The following PDE11A variants were observed in gnomAD, a reference collection of about 807,000 sequenced individuals.
PDE11A encodes the protein phosphodiesterase 11A.
Under a neutral mutation model 100.5 loss-of-function variants are expected in PDE11A, and 100 were observed. That is an observed-to-expected ratio of 1.00 (90% confidence interval 0.85 to 1.18). The LOEUF (loss-of-function observed/expected upper bound fraction) is 1.18, where lower values mean the gene tolerates loss of function less well. PDE11A is among the 50% of genes most tolerant of loss of function. The pLI is 0.00. For synonymous variants in PDE11A, 381 were observed against 420.8 expected, an observed-to-expected ratio of 0.91 and a Z score of 1.16; for missense variants, 1,141 against 1,152.6, an observed-to-expected ratio of 0.99 and a Z score of 0.15.
At chr2:177,907,404 T>A (rs779158024) in intron 2 of PDE11A, among the ~76,000 whole-genome samples, 6 of 152,248 alleles carry the variant, frequency 3.9e-5, no homozygotes, top group Non-Finnish European at 5.9e-5. Context: ...TTTATAATAG[T>A]AATTGCCATT....
At chr2:177,817,500 G>T (rs188866038) in intron 8 of PDE11A, among the ~76,000 whole-genome samples, 1 of 152,304 alleles carries the variant, frequency 6.6e-6, no homozygotes, top group East Asian at 1.9e-4. Context: ...GCACGGAAGC[G>T]TGTAAACAAG....
intron 1 of PDE11A, among the ~76,000 whole-genome samples, chr2:178,068,007 T>G (rs1314809116): frequency 1.3e-5 from 2 of 152,194 alleles, no homozygotes; most frequent in African/African-American, 4.8e-5. Flanking sequence ...TTATCAACAC[T>G]GACAAAAATT....
At chr2:177,665,966 A>T (rs191719267) in intron 18 of PDE11A, among the ~76,000 whole-genome samples, 12 of 152,208 alleles carry the variant, frequency 7.9e-5, no homozygotes, top group East Asian at 3.9e-4. Flanking sequence ...TTACTTTTTT[A>T]AAAAATGCAG....
chr2:177,795,820 C>G (rs2082697339), intron 9 of PDE11A, among the ~76,000 whole-genome samples: 1 of 151,140 alleles, frequency 6.6e-6, no homozygotes, highest in Non-Finnish European at 1.5e-5. Flanking sequence ...TCCCACCTCC[C>G]TAAGACTCTG....
At chr2:177,820,089 G>A (rs111240819) in intron 7 of PDE11A, 131 bp downstream of exon 7, 27 of 627,700 alleles carry the variant, frequency 4.3e-5, no homozygotes, top group Middle Eastern at 3.9e-4. Context: ...GAAATTATAC[G>A]AGAGTGTGAG....
intron 2 of PDE11A, among the ~76,000 whole-genome samples, chr2:178,101,341 G>A (rs1038989443): frequency 1.3e-5 from 2 of 152,236 alleles, no homozygotes; most frequent in African/African-American, 4.8e-5. Flanking sequence ...CAAATGAAAA[G>A]CTTCTGAGTC....
intron 10 of PDE11A, among the ~76,000 whole-genome samples, chr2:177,756,048 C>T (rs535206850): frequency 6.6e-6 from 1 of 152,322 alleles, no homozygotes; most frequent in South Asian, 2.1e-4. Context: ...CTTTTACATA[C>T]TATATAGAGG....
At chr2:178,085,070 A>C (rs184956497) in intron 2 of PDE11A, among the ~76,000 whole-genome samples, 1 of 152,328 alleles carries the variant, frequency 6.6e-6, no homozygotes, top group East Asian at 1.9e-4. Context: ...GAGCAAAACC[A>C]CATCCAACCA....
chr2:177,983,990 T>C (rs767597994), intron 2 of PDE11A, among the ~76,000 whole-genome samples: 1 of 152,176 alleles, frequency 6.6e-6, no homozygotes, highest in Non-Finnish European at 1.5e-5. Flanking sequence ...TAAAACAAAT[T>C]AGCAATATAC....
At chr2:177,890,465 C>A (rs2084512413) in intron 4 of PDE11A, among the ~76,000 whole-genome samples, 1 of 152,208 alleles carries the variant, frequency 6.6e-6, no homozygotes, top group Non-Finnish European at 1.5e-5. Flanking sequence ...GGGAAGTAAC[C>A]TCACTCAGCC....
chr2:177,966,824 T>G (rs1312058615), intron 2 of PDE11A, among the ~76,000 whole-genome samples: 1 of 152,172 alleles, frequency 6.6e-6, no homozygotes, highest in African/African-American at 2.4e-5. Context: ...TCTTTTTTTC[T>G]TGTGTCTCTG....
chr2:177,964,594 A>G (rs1313634281), intron 2 of PDE11A, among the ~76,000 whole-genome samples: 4 of 152,054 alleles, frequency 2.6e-5, no homozygotes, highest in Admixed American at 6.5e-5. Flanking sequence ...TTGTGTCCAT[A>G]TGTTCTCAAT....
At chr2:177,630,598 C>T (rs1270799156) in intron 19 of PDE11A, among the ~76,000 whole-genome samples, 1 of 152,204 alleles carries the variant, frequency 6.6e-6, no homozygotes, top group Non-Finnish European at 1.5e-5. Flanking sequence ...ATGGAATTTA[C>T]TCTGCCCAAC....
chr2:178,091,036 A>G (rs2087416300), intron 2 of PDE11A, among the ~76,000 whole-genome samples: 1 of 152,186 alleles, frequency 6.6e-6, no homozygotes, highest in Admixed American at 6.5e-5. Flanking sequence ...CTGTTAGGAC[A>G]TCTTCATAGA....
chr2:177,674,613 A>T (rs1380642958), intron 17 of PDE11A, among the ~76,000 whole-genome samples: 1 of 152,142 alleles, frequency 6.6e-6, no homozygotes, highest in African/African-American at 2.4e-5. Flanking sequence ...ATTTGCAAAG[A>T]TACTCTTTCC....
intron 9 of PDE11A, among the ~76,000 whole-genome samples, chr2:177,780,288 G>A (rs1342802373): frequency 3.9e-5 from 6 of 152,094 alleles, no homozygotes; most frequent in African/African-American, 1.4e-4. Context: ...ATCTCACTCT[G>A]TCACCCAAAC....
chr2:177,936,381 C>CA (rs926687446), intron 2 of PDE11A, among the ~76,000 whole-genome samples: 2 of 150,966 alleles, frequency 1.3e-5, no homozygotes. Context: ...CATTCAGGTT[C>CA]AAAAAAAAAG....
At chr2:177,718,842 A>G (rs1277968962) in intron 12 of PDE11A, among the ~76,000 whole-genome samples, 1 of 152,198 alleles carries the variant, frequency 6.6e-6, no homozygotes, top group East Asian at 1.9e-4. Flanking sequence ...ACACTTCATC[A>G]AACTGTCCCA....
chr2:178,071,471 G>T, intron 1 of PDE11A, 55 bp downstream of exon 1: 1 of 1,609,782 alleles, frequency 6.2e-7, no homozygotes. Context: ...ATAACCGAAG[G>T]CTTATCTCCC....
Sources: allele counts gnomAD v4.1 joint callset (sites outside exome capture counted in the v4.1 genomes callset), GRCh38; gene constraint gnomAD v4.1.1; transcripts MANE v1.5; gene names NCBI Gene and HGNC (gene_info 2026-07-23, HGNC 2026-07-21).